Variants in ACACB observed in about 807,000 individuals in gnomAD.
ACACB encodes acetyl-CoA carboxylase 2.
ACACB carries 209 observed loss-of-function variants against 278.8 expected under a neutral mutation model. The observed-to-expected ratio is 0.75, with a 90% CI of 0.67 to 0.84. ACACB has a LOEUF of 0.84. ACACB is among the 40% of genes least tolerant of loss of function. The probability of loss-of-function intolerance (pLI) is 0.00; values close to 1 mark genes in which losing one functional copy is unlikely to be tolerated. For synonymous variants in ACACB, 1,174 were observed against 1,285.6 expected, an observed-to-expected ratio of 0.91 and a Z score of 1.86; for missense variants, 2,850 against 3,269.0, an observed-to-expected ratio of 0.87 and a Z score of 3.13.
chr12:109,230,022 T>A (rs539724733), intron 28 of ACACB, among the ~76,000 whole-genome samples: 1 of 152,234 alleles, frequency 6.6e-6, no homozygotes, highest in East Asian at 1.9e-4. Flanking sequence ...TTAGTTCTTA[T>A]GGGGGTGCCC....
chr12:109,242,719 G>C (rs1337841085), intron 37 of ACACB, 127 bp downstream of exon 37: 3 of 1,169,830 alleles, frequency 2.6e-6, no homozygotes, highest in Non-Finnish European at 3.6e-6. Context: ...CAGGTGCGGT[G>C]GCTCACGCCT....
chr12:109,228,760 A>G (rs2046390373), intron 28 of ACACB, among the ~76,000 whole-genome samples: 1 of 152,154 alleles, frequency 6.6e-6, no homozygotes, highest in Non-Finnish European at 1.5e-5. Flanking sequence ...GTCATGGTAG[A>G]AAGTTCTAGT....
In ACACB at chr12:109,255,775, A is replaced by G. The variant is rs2047209679; in HGVS notation, c.6167-365A>G. 2.6e-5 allele frequency among the ~76,000 whole-genome samples: 4 copies of G among 152,322 alleles called. No homozygotes were observed. In the South Asian group the frequency reaches 8.3e-4, roughly 32 times the overall value. On this transcript the variant is annotated intron_variant, in intron 44 of 52. Coordinates refer to ENST00000338432, the MANE Select transcript of ACACB (RefSeq NM_001093.4). ...AGGTGAGGGATGAGTTTTTCGGGAA[A>G]GGTGGTCCCTTCCTAAAATCCCACC...
intron 11 of ACACB, among the ~76,000 whole-genome samples, chr12:109,183,547 T>C (rs1252504098): frequency 6.6e-6 from 1 of 152,218 alleles, no homozygotes; most frequent in African/African-American, 2.4e-5. Flanking sequence ...GTAGCTATCA[T>C]AAATGGAATT....
chr12:109,183,180 G>A (rs931139012), intron 11 of ACACB, among the ~76,000 whole-genome samples: 1 of 152,110 alleles, frequency 6.6e-6, no homozygotes, highest in Non-Finnish European at 1.5e-5. Flanking sequence ...TTTGGTTACT[G>A]TAGCTCTGTA....
intron 2 of ACACB, among the ~76,000 whole-genome samples, chr12:109,153,990 C>T (rs1458716483): frequency 1.3e-5 from 2 of 152,172 alleles, no homozygotes; most frequent in East Asian, 1.9e-4. Context: ...ATCGGTTTGT[C>T]TGAGTTCAAG....
intron 5 of ACACB, 76 bp downstream of exon 5, chr12:109,171,990 T>C: frequency 8.1e-7 from 1 of 1,242,184 alleles, no homozygotes; most frequent in South Asian, 1.2e-5. Context: ...AATTCCACAG[T>C]TCACAAGGGG....
At chr12:109,111,315 T>C in the ACACB span, 2 of 152,302 alleles carry the variant, frequency 1.3e-5, no homozygotes, top group South Asian at 4.1e-4. Flanking sequence ...GTGCCCGTCG[T>C]GGCTACGTTC....
chr12:109,203,725 G>A (rs545842556), intron 19 of ACACB, among the ~76,000 whole-genome samples: 1 of 152,344 alleles, frequency 6.6e-6, no homozygotes, highest in Admixed American at 6.5e-5. Flanking sequence ...CCTGAGCTCA[G>A]GCTCTTGGGG....
chr12:109,186,057 A>G (rs1310749496), intron 12 of ACACB, among the ~76,000 whole-genome samples: 1 of 151,840 alleles, frequency 6.6e-6, no homozygotes, highest in African/African-American at 2.4e-5. Context: ...CAGTCTCCCA[A>G]GTAGTTGGGA....
At chr12:109,122,484 G>T (rs1011146184) in intron 1 of ACACB, among the ~76,000 whole-genome samples, 3 of 148,240 alleles carry the variant, frequency 2.0e-5, no homozygotes, top group Non-Finnish European at 4.4e-5. Flanking sequence ...CGAGGAGGGG[G>T]ATTGCTTGAG....
At chr12:109,226,824 T>C (rs1472468325) in intron 27 of ACACB, among the ~76,000 whole-genome samples, 2 of 152,050 alleles carry the variant, frequency 1.3e-5, no homozygotes, top group African/African-American at 2.4e-5. Flanking sequence ...CCACAAAGCC[T>C]AAAATATTTA....
chr12:109,235,537 A>G, intron 32 of ACACB, 69 bp from the exon 33 acceptor site: 1 of 1,477,430 alleles, frequency 6.8e-7, no homozygotes. Flanking sequence ...CAATCACTAA[A>G]TAAGGATGTA....
intron 20 of ACACB, among the ~76,000 whole-genome samples, chr12:109,207,639 C>T (rs894725009): frequency 3.9e-5 from 6 of 152,172 alleles, no homozygotes; most frequent in African/African-American, 7.2e-5. Context: ...ATGGTGATGA[C>T]GATAATAACC....
At chr12:109,134,039 C>A (rs1447876774) in intron 1 of ACACB, among the ~76,000 whole-genome samples, 5 of 151,438 alleles carry the variant, frequency 3.3e-5, no homozygotes, top group Non-Finnish European at 5.9e-5. Context: ...CCGCCTTGGC[C>A]TCCCAAAGTG....
chr12:109,133,863 ATTTTTTTTT>A (rs67896522), intron 1 of ACACB, among the ~76,000 whole-genome samples: 3 of 70,650 alleles, frequency 4.2e-5, no homozygotes, highest in African/African-American at 1.8e-4. Context: ...ATATATATAT[ATTTTTTTTT>A]TTTTTTTTTT....
intron 1 of ACACB, among the ~76,000 whole-genome samples, chr12:109,119,918 A>G (rs2042502749): frequency 6.6e-6 from 1 of 152,134 alleles, no homozygotes; most frequent in Admixed American, 6.5e-5. Context: ...AAAGGATTAA[A>G]GGATTTTCCA....
intron 3 of ACACB, chr12:109,167,271 C>A: frequency 3.1e-6 from 1 of 327,486 alleles, no homozygotes; most frequent in Admixed American, 4.5e-5. Context: ...CACAATGACA[C>A]CAAAGGAATA....
At chr12:109,219,187 T>C (rs1443813691) in intron 24 of ACACB, among the ~76,000 whole-genome samples, 1 of 152,088 alleles carries the variant, frequency 6.6e-6, no homozygotes, top group Non-Finnish European at 1.5e-5. Flanking sequence ...AACTAGACAA[T>C]AGGTACATGA....
Sources: gnomAD v4.1 joint callset for allele counts (sites outside exome capture counted in the v4.1 genomes callset) on GRCh38, gnomAD v4.1.1 for gene constraint, MANE v1.5 for transcripts, NCBI Gene and HGNC (gene_info 2026-07-23, HGNC 2026-07-21) for gene names.